Variants in HTR4 observed in about 807,000 individuals in gnomAD.
HTR4 encodes 5-hydroxytryptamine receptor 4, also known as 5-hydroxytryptamine (serotonin) receptor 4, G protein-coupled.
A neutral mutation model predicts 36.8 loss-of-function variants in HTR4; 16 were observed. That is an observed-to-expected ratio of 0.43 (90% CI 0.29 to 0.66). The LOEUF (loss-of-function observed/expected upper bound fraction) is 0.66, where lower values mean the gene tolerates loss of function less well. Among genes scored for constraint, HTR4 ranks in the 30% least tolerant of loss-of-function variants. HTR4 has a pLI of 0.13. For missense variants in HTR4, 438 were observed against 490.9 expected (o/e 0.89, Z 1.02); for synonymous variants, 189 against 185.1 (o/e 1.02, Z -0.17).
rs564032502 is a variant in HTR4 at position 148,512,300 on chromosome 5, C to T, written c.508-2276G>A. The stretch of plus-strand genomic sequence containing the variant: ...ACTTGAATCAAATCTAAGTTTATTA[C>T]AACCCTTCAGTTTCTTATTGCAGTT... On this transcript the variant is annotated intron_variant, in intron 5 of 6. Transcript: ENST00000377888. Among the ~76,000 whole-genome samples the T allele has an allele frequency of 3.9e-5, 6 of 152,292 alleles. 1 individual carries two copies. The South Asian group carries it at 1.2e-3, about 32-fold the overall frequency.
At chr5:148,460,974 T>A (rs1032089161) in intron 5 of HTR4, among the ~76,000 whole-genome samples, 3 of 151,976 alleles carry the variant, frequency 2.0e-5, no homozygotes, top group African/African-American at 7.2e-5. Flanking sequence ...AAATAAGGGA[T>A]GAGAAGAGGA....
intron 2 of HTR4, among the ~76,000 whole-genome samples, chr5:148,632,116 G>T (rs1353774444): frequency 2.0e-5 from 3 of 151,956 alleles, no homozygotes; most frequent in African/African-American, 7.3e-5. Flanking sequence ...CATCCTTAAA[G>T]TGGCTTACAA....
intron 5 of HTR4, among the ~76,000 whole-genome samples, chr5:148,516,312 C>CTTTTTTTTTTTTTTTTTTTTTTTTTTTTT (rs954784476): frequency 3.9e-5 from 3 of 76,492 alleles, no homozygotes; most frequent in Non-Finnish European, 7.3e-5. Flanking sequence ...ATTCCCCCCT[C>CTTTTTTTTTTTTTTTTTTTTTTTTTTTTT]TTTTTTTTTT....
intron 6 of HTR4, among the ~76,000 whole-genome samples, chr5:148,494,153 A>C (rs1177600438): frequency 6.6e-6 from 1 of 152,232 alleles, no homozygotes; most frequent in Non-Finnish European, 1.5e-5. Context: ...GAATTAATAC[A>C]TATTTTTTAA....
intron 6 of HTR4, among the ~76,000 whole-genome samples, chr5:148,489,395 TCAACCCCTAAA>T (rs1756308737): frequency 6.6e-6 from 1 of 152,166 alleles, no homozygotes; most frequent in Non-Finnish European, 1.5e-5. Flanking sequence ...ACAGGCATTC[TCAACCCCTAAA>T]CAGTGCTCTT....
Position 148,644,024 on chromosome 5 carries a change from C to T in HTR4, c.-47-6963G>A, listed in dbSNP as rs60884865. On this transcript the variant is annotated intron_variant, in intron 1 of 6. Transcript: ENST00000377888. ...AGTTTAGGCATGCATAAGAATCACC[C>T]GGAGGCTTGTAAAAATGAAAAGCCT... 7.2e-3 allele frequency among the ~76,000 whole-genome samples: 1,090 copies of T among 152,256 alleles called. 13 individuals are homozygous for T. Among genetic ancestry groups the T allele is most frequent in the African/African-American group, 0.025 (1,031 of 41,554 alleles).
In HTR4 at chr5:148,523,184, G is replaced by T. The variant is rs760871391; in HGVS notation, c.507+9C>A. On this transcript the variant is annotated intron_variant, in intron 5 of 6. Transcript: ENST00000377888. ...ACAGTAAACCAGTGAGGTCTGTGTG[G>T]ATACTCACCAAATCAATTATGCCAA... is the stretch of plus-strand genomic sequence containing the variant. 2 of 1,611,810 alleles carry T rather than the reference G, an allele frequency of 1.2e-6. No homozygotes were observed. Among genetic ancestry groups the T allele is most frequent in the East Asian group, 4.5e-5 (2 of 44,788 alleles).
intron 4 of HTR4, among the ~76,000 whole-genome samples, chr5:148,547,186 T>C (rs947075177): frequency 2.0e-5 from 3 of 152,204 alleles, no homozygotes; most frequent in African/African-American, 7.2e-5. Context: ...TCAGCTGGTT[T>C]CAGTCTCTAA....
intron 2 of HTR4, among the ~76,000 whole-genome samples, chr5:148,635,198 A>G (rs1237182489): frequency 6.6e-6 from 1 of 152,202 alleles, no homozygotes; most frequent in Non-Finnish European, 1.5e-5. Flanking sequence ...AAATAAAAAT[A>G]TTGTTGGCAT....
At chr5:148,530,557 G>A (rs150942843) in intron 4 of HTR4, among the ~76,000 whole-genome samples, 210 of 152,342 alleles carry the variant, frequency 1.4e-3, no homozygotes, top group African/African-American at 4.7e-3. Context: ...GGATGCCCAG[G>A]CAGAAGTTTG....
intron 6 of HTR4, among the ~76,000 whole-genome samples, chr5:148,486,252 T>C (rs556090460): frequency 6.6e-6 from 1 of 152,216 alleles, no homozygotes; most frequent in African/African-American, 2.4e-5. Context: ...TTTAGTGTCA[T>C]CTGCCTTTTA....
intron 1 of HTR4, among the ~76,000 whole-genome samples, chr5:148,652,648 A>C (rs1487885782): frequency 1.3e-5 from 2 of 152,126 alleles, no homozygotes; most frequent in East Asian, 3.9e-4. Context: ...CTTCTGCTCG[A>C]TATGAACTGA....
At chr5:148,565,932 C>T (rs1007283988) in intron 2 of HTR4, among the ~76,000 whole-genome samples, 1 of 152,104 alleles carries the variant, frequency 6.6e-6, no homozygotes, top group African/African-American at 2.4e-5. Flanking sequence ...AACTGTATTG[C>T]AGTACTTGTC....
intron 2 of HTR4, among the ~76,000 whole-genome samples, chr5:148,604,990 T>G (rs1042974099): frequency 3.9e-5 from 6 of 152,166 alleles, no homozygotes; most frequent in African/African-American, 1.4e-4. Flanking sequence ...GGAAAACATT[T>G]TGTACACTGT....
chr5:148,631,768 C>T (rs1290141318), intron 2 of HTR4, among the ~76,000 whole-genome samples: 1 of 152,116 alleles, frequency 6.6e-6, no homozygotes, highest in Non-Finnish European at 1.5e-5. Context: ...TGAATTGTGA[C>T]TTGGTGTCAT....
At chr5:148,489,733 G>C (rs1262251843) in intron 6 of HTR4, among the ~76,000 whole-genome samples, 3 of 152,158 alleles carry the variant, frequency 2.0e-5, no homozygotes, top group African/African-American at 4.8e-5. Flanking sequence ...GGTCAGGGGA[G>C]CTGGGCTGCA....
Position 148,483,248 on chromosome 5 carries a change from C to A in HTR4, c.1122G>T (p.Pro374=), listed in dbSNP as rs371669491. The change falls in exon 7 of 7, where the codon CCG becomes CCT. Residue 374 remains proline, a synonymous_variant. Transcript: ENST00000377888. ...CAGCCACCAAAGGAGAAGTTGCTGG[C>A]GGGTGACACTGACTCTCCCACTGGC... is the stretch of plus-strand genomic sequence containing the variant. The part of the protein sequence containing the change: ...CGGQWESQCH[P]PATSPLVAAQ... 6.8e-6 allele frequency: 11 copies of A among 1,613,906 alleles called. No individual in the cohort carries two copies. The East Asian group carries it at 8.9e-5, about 13-fold the overall frequency.
intron 2 of HTR4, among the ~76,000 whole-genome samples, chr5:148,627,523 C>T (rs989467754): frequency 2.0e-5 from 3 of 152,084 alleles, no homozygotes; most frequent in Non-Finnish European, 4.4e-5. Flanking sequence ...AGAATAAATA[C>T]GCATCTATAT....
intron 6 of HTR4, among the ~76,000 whole-genome samples, chr5:148,496,528 T>C (rs183820008): frequency 9.8e-5 from 15 of 152,318 alleles, no homozygotes; most frequent in Admixed American, 9.1e-4. Context: ...TGGCCAAATA[T>C]GCCTAAAGTG....
Sources: gnomAD v4.1 joint callset for allele counts (sites outside exome capture counted in the v4.1 genomes callset) on GRCh38, gnomAD v4.1.1 for gene constraint, MANE v1.5 for transcripts, NCBI Gene and HGNC (gene_info 2026-07-23, HGNC 2026-07-21) for gene names.